Variants in PC observed in about 807,000 individuals in gnomAD.
The protein encoded by PC is pyruvate carboxylase, mitochondrial.
Under a neutral mutation model 107.8 loss-of-function variants are expected in PC, and 46 were observed. The observed-to-expected ratio is 0.43, with a 90% CI of 0.34 to 0.55. The LOEUF (loss-of-function observed/expected upper bound fraction) is 0.55. Among genes scored for constraint, PC ranks in the 20% least tolerant of loss-of-function variants. PC has a pLI of 0.04. For synonymous variants in PC, 662 were observed against 684.7 expected, an observed-to-expected ratio of 0.97 and a Z score of 0.52; for missense variants, 1,241 against 1,643.1, an observed-to-expected ratio of 0.76 and a Z score of 4.23.
chr11:66,902,566 G>C (rs1264633819), intron 3 of PC, among the ~76,000 whole-genome samples: 2 of 152,142 alleles, frequency 1.3e-5, no homozygotes, highest in African/African-American at 4.8e-5. Flanking sequence ...CCTGCCACCT[G>C]GGAGTCCCTT....
At chr11:66,859,129 G>A (rs377382968) in intron 12 of PC, 41 of 1,472,762 alleles carry the variant, frequency 2.8e-5, no homozygotes, top group African/African-American at 2.5e-4. Flanking sequence ...CTGCACTCCC[G>A]GCGCCCTTCC....
At chr11:66,868,487 C>T (rs1277294841) in intron 10 of PC, among the ~76,000 whole-genome samples, 4 of 152,182 alleles carry the variant, frequency 2.6e-5, no homozygotes, top group Non-Finnish European at 4.4e-5. Context: ...CAAAGACAGC[C>T]GGAGATGCCT....
chr11:66,868,818 C>T (rs1285019178), intron 10 of PC, 28 bp downstream of exon 10: 2 of 1,572,138 alleles, frequency 1.3e-6, no homozygotes, highest in African/African-American at 2.7e-5. Flanking sequence ...AGCCGCGCCT[C>T]CCGCCCCGCC....
At chr11:66,943,624 G>A (rs1280214806) in intron 3 of PC, among the ~76,000 whole-genome samples, 4 of 151,228 alleles carry the variant, frequency 2.6e-5, no homozygotes, top group African/African-American at 4.9e-5. Context: ...GGTGGCAGGC[G>A]CCTGTAGTCC....
At chr11:66,889,504 G>C (rs1947491227) in intron 3 of PC, among the ~76,000 whole-genome samples, 1 of 151,996 alleles carries the variant, frequency 6.6e-6, no homozygotes, top group African/African-American at 2.4e-5. Flanking sequence ...CCGAGTAGCT[G>C]GGATTACAGG....
chr11:66,872,679 G>T (rs527277102), intron 3 of PC, among the ~76,000 whole-genome samples: 1 of 151,996 alleles, frequency 6.6e-6, no homozygotes, highest in East Asian at 1.9e-4. Context: ...AGCTTGCAGC[G>T]AGCCGAGATC....
At chr11:66,897,237 AC>A (rs368773170) in intron 3 of PC, among the ~76,000 whole-genome samples, 34 of 152,218 alleles carry the variant, frequency 2.2e-4, no homozygotes, top group African/African-American at 7.9e-4. Flanking sequence ...CCCAGCCTTG[AC>A]CCTTTTGAAT....
chr11:66,877,022 G>A (rs903200054), intron 3 of PC, among the ~76,000 whole-genome samples: 3 of 152,186 alleles, frequency 2.0e-5, no homozygotes, highest in African/African-American at 4.8e-5. Context: ...GAGGCGGCCC[G>A]CAGGCACTGC....
At chr11:66,888,340 A>G (rs75873993) in intron 3 of PC, among the ~76,000 whole-genome samples, 4,189 of 152,326 alleles carry the variant, frequency 0.028, 88 homozygotes, top group African/African-American at 0.046. Flanking sequence ...CAGTGGGGGT[A>G]AAATACCAAT....
intron 17 of PC, 28 bp downstream of exon 17, chr11:66,851,012 G>C: frequency 6.2e-7 from 1 of 1,611,336 alleles, no homozygotes; most frequent in Non-Finnish European, 8.5e-7. Flanking sequence ...GGGGCAGAGA[G>C]GGAGGGACGG....
At chr11:66,868,756 C>G (rs1357019368) in intron 10 of PC, 90 bp downstream of exon 10, 15 of 961,822 alleles carry the variant, frequency 1.6e-5, no homozygotes, top group Non-Finnish European at 2.4e-5. Context: ...GTGAGCAAGC[C>G]CCCTGGCTGG....
intron 3 of PC, among the ~76,000 whole-genome samples, chr11:66,933,519 G>C (rs1057409397): frequency 6.6e-6 from 1 of 151,938 alleles, no homozygotes; most frequent in Non-Finnish European, 1.5e-5. Flanking sequence ...ACTTTTCCCC[G>C]ACCTCAGGTC....
chr11:66,942,000 G>A (rs1469585312), intron 3 of PC, among the ~76,000 whole-genome samples: 1 of 152,026 alleles, frequency 6.6e-6, no homozygotes, highest in African/African-American at 2.4e-5. Flanking sequence ...TACTCGGGAG[G>A]CTGAGGCAGG....
intron 3 of PC, among the ~76,000 whole-genome samples, chr11:66,940,581 G>C (rs986372478): frequency 1.3e-4 from 19 of 151,952 alleles, no homozygotes; most frequent in Admixed American, 2.0e-4. Flanking sequence ...ACAGCTACAA[G>C]GGAGGCTGAG....
intron 3 of PC, among the ~76,000 whole-genome samples, chr11:66,949,092 A>G (rs574187740): frequency 6.6e-6 from 1 of 151,538 alleles, no homozygotes; most frequent in South Asian, 2.1e-4. Context: ...TCCCGGGTTC[A>G]AGCGATTCTC....
At chr11:66,913,969 C>T (rs975317639) in intron 3 of PC, among the ~76,000 whole-genome samples, 5 of 152,096 alleles carry the variant, frequency 3.3e-5, no homozygotes, top group Non-Finnish European at 1.5e-5. Context: ...CACACAGCCA[C>T]AAAGATGGGT....
intron 3 of PC, among the ~76,000 whole-genome samples, chr11:66,903,791 T>TACACACACCC (rs1248568346): frequency 8.3e-6 from 1 of 120,438 alleles, no homozygotes; most frequent in Non-Finnish European, 1.8e-5. Context: ...TATATATATA[T>TACACACACCC]ACACACACCC....
At chr11:66,922,439 T>C (rs1339473289) in intron 3 of PC, among the ~76,000 whole-genome samples, 1 of 150,228 alleles carries the variant, frequency 6.7e-6, no homozygotes, top group African/African-American at 2.5e-5. Context: ...CTGGGCGTGG[T>C]GGTGCGCGCC....
intron 1 of PC, among the ~76,000 whole-genome samples, 155 bp downstream of exon 1, chr11:66,958,167 C>G (rs1035954335): frequency 3.1e-4 from 47 of 151,878 alleles, no homozygotes; most frequent in Non-Finnish European, 2.8e-4. Context: ...CGCGCACAGC[C>G]CGTCGCTGTC....
Sources: gnomAD v4.1 joint callset for allele counts (sites outside exome capture counted in the v4.1 genomes callset) on GRCh38, gnomAD v4.1.1 for gene constraint, MANE v1.5 for transcripts, NCBI Gene and HGNC (gene_info 2026-07-23, HGNC 2026-07-21) for gene names.